The following YAE1 variants were observed in gnomAD, a reference collection of about 807,000 sequenced individuals.
YAE1 encodes protein YAE1 homolog.
Under a neutral mutation model 23.0 loss-of-function variants are expected in YAE1, and 22 were observed. The ratio of observed to expected loss-of-function variants is 0.96; its 90% confidence interval spans 0.68 to 1.37. YAE1 has a LOEUF of 1.37. YAE1 is among the 40% of genes most tolerant of loss of function. The probability of loss-of-function intolerance (pLI) is 0.00; values close to 1 mark genes in which losing one functional copy is unlikely to be tolerated. For synonymous variants in YAE1, 101 were observed against 97.0 expected (o/e 1.04, Z -0.24); for missense variants, 260 against 262.1 (o/e 0.99, Z 0.06).
At chr7:39,598,412 G>GTT (rs3038990) in intron 2 of YAE1, among the ~76,000 whole-genome samples, 14,209 of 140,842 alleles carry the variant, frequency 0.1, 2,347 homozygotes, top group African/African-American at 0.35. Flanking sequence ...CCTGGGCCAA[G>GTT]TTTTTTTTTT....
At chr7:39,575,575 A>AGAGAGAGAGTGAGT (rs1339594299), downstream of YAE1, among the ~76,000 whole-genome samples, 70 of 81,744 alleles carry the variant, frequency 8.6e-4, no homozygotes, top group African/African-American at 5.1e-3. Flanking sequence ...AGAGAGAGAG[A>AGAGAGAGAGTGAGT]GAGTGAGTGT....
At chr7:39,576,494 C>A (rs1790658561), downstream of YAE1, among the ~76,000 whole-genome samples, 2 of 152,214 alleles carry the variant, frequency 1.3e-5, no homozygotes, top group South Asian at 4.1e-4. Context: ...TCTTTACAGG[C>A]ATTACTACAA....
intron 2 of YAE1, among the ~76,000 whole-genome samples, chr7:39,585,390 C>G (rs185464272): frequency 1.3e-5 from 2 of 152,084 alleles, no homozygotes; most frequent in East Asian, 3.9e-4. Context: ...TTTGGACACA[C>G]AAAGAAATAC....
At chr7:39,570,238 A>G in intron 1 of YAE1, 5 of 631,822 alleles carry the variant, frequency 7.9e-6, no homozygotes, top group Non-Finnish European at 1.3e-5. Context: ...GTGGCGGCCC[A>G]ACACTAGGTT....
chr7:39,570,532 T>C lies in YAE1; in HGVS notation c.156T>C (p.Ala52=). The C allele has an allele frequency of 6.2e-7, 1 of 1,612,108 alleles. No individual in the cohort carries two copies. The highest frequency in any genetic ancestry group is 8.5e-7 in the Non-Finnish European group (1 of 1,179,670). The change falls in exon 2 of 3, where the codon GCT becomes GCC. Residue 52 remains alanine (A), a synonymous_variant. Transcript: ENST00000223273. ...AAGGTTATAGAGATGGAATAGATGC[T>C]GGCAAAGCAGTTACTCTTCAACAGG... The part of the protein sequence containing the change: ...VKEGYRDGID[A]GKAVTLQQGF...
At chr7:39,606,039 G>A (rs1791125464) in intron 2 of YAE1, among the ~76,000 whole-genome samples, 1 of 151,204 alleles carries the variant, frequency 6.6e-6, no homozygotes, top group African/African-American at 2.4e-5. Context: ...AAGAATCATG[G>A]TAAACAATTT....
At chr7:39,570,417 C>G in intron 1 of YAE1, 89 bp from the exon 2 acceptor site, 3 of 1,504,536 alleles carry the variant, frequency 2.0e-6, no homozygotes, top group Non-Finnish European at 2.7e-6. Flanking sequence ...CCTAATTCAT[C>G]TGCTTTCTAA....
chr7:39,585,920 T>C (rs1178618229), intron 2 of YAE1, among the ~76,000 whole-genome samples: 1 of 152,086 alleles, frequency 6.6e-6, no homozygotes, highest in African/African-American at 2.4e-5. Context: ...CCGGGCAAGA[T>C]GGCAAAACCT....
intron 2 of YAE1, among the ~76,000 whole-genome samples, chr7:39,593,040 GA>G (rs534675417): frequency 2.9e-4 from 44 of 151,592 alleles, no homozygotes; most frequent in Admixed American, 1.8e-3. Context: ...TTTCAGATTG[GA>G]TAATTTCTAT....
chr7:39,566,505 G>A lies in YAE1; in HGVS notation c.87G>A (p.Leu29=). The A allele has an allele frequency of 6.2e-7, 1 of 1,614,200 alleles. No individual in the cohort carries two copies. The highest frequency in any genetic ancestry group is 8.5e-7 in the Non-Finnish European group (1 of 1,180,022). The change falls in exon 1 of 3, where the codon CTG becomes CTA. Residue 29 remains leucine (L), a synonymous_variant. Coordinates refer to ENST00000223273, the MANE Select transcript of YAE1 (RefSeq NM_020192.5). ...ACGAAGAAGCAGACGAGTCGCTCCT[G>A]GCGCAGCGGGAATGGCAGAGTAACA... ...VFDEEADESL[L]AQREWQSNMQ... is the part of the protein sequence containing the mutation.
At chr7:39,599,756 T>A (rs1791029137) in intron 2 of YAE1, among the ~76,000 whole-genome samples, 2 of 151,920 alleles carry the variant, frequency 1.3e-5, no homozygotes, top group African/African-American at 4.8e-5. Flanking sequence ...ATTTTTGGGA[T>A]GGAGTCTCCC....
Position 39,570,857 on chromosome 7 carries a change from G to T in YAE1, c.251+230G>T, listed in dbSNP as rs374505566. 5.9e-5 allele frequency: 27 copies of T among 457,356 alleles called. No individual in the cohort carries two copies. In the South Asian group the frequency reaches 1.1e-3, roughly 18 times the overall value. The allele number at this position is 457,356 out of a possible 1,614,324, so 28.3% of individuals were successfully genotyped here. On this transcript the variant is annotated intron_variant, in intron 2 of 2. Coordinates refer to ENST00000223273, the MANE Select transcript of YAE1 (RefSeq NM_020192.5). ...TTTTCGTGCAAAGAAATGGTAAGAAGATGTATACTTCTGCTACCTGAACAA... is the reference window on the plus strand; with the variant it reads ...TTTTCGTGCAAAGAAATGGTAAGAATATGTATACTTCTGCTACCTGAACAA...
intron 2 of YAE1, among the ~76,000 whole-genome samples, chr7:39,591,626 C>A (rs1037617110): frequency 6.6e-6 from 1 of 151,328 alleles, no homozygotes; most frequent in Non-Finnish European, 1.5e-5. Flanking sequence ...CCATTATCAA[C>A]GTCCACCACC....
Position 39,602,452 on chromosome 7 carries a change from T to C in YAE1, c.252-7165T>C, listed in dbSNP as rs958516028. Among the ~76,000 whole-genome samples, 5 of 152,250 alleles carry C rather than the reference T, an allele frequency of 3.3e-5. 1 individual carries two copies. The East Asian group carries it at 9.6e-4, about 29-fold the overall frequency. ...CTCATAATGAAATGATGGATTTCCG[T>C]GTTGTAGAACTCTTTAGCATCAGAA... On this transcript the variant is annotated intron_variant, in intron 2 of 2. Transcript: ENST00000432096.
chr7:39,601,165 A>G (rs1791050212), intron 2 of YAE1, among the ~76,000 whole-genome samples: 1 of 152,218 alleles, frequency 6.6e-6, no homozygotes. Flanking sequence ...GCACAATTCT[A>G]AAAAGATATC....
chr7:39,594,835 A>T (rs1447394124), intron 2 of YAE1, among the ~76,000 whole-genome samples: 1 of 152,100 alleles, frequency 6.6e-6, no homozygotes, highest in Non-Finnish European at 1.5e-5. Context: ...AGCTCAAGCA[A>T]TCCACCTGCC....
chr7:39,575,627 T>C (rs1451255666), downstream of YAE1, among the ~76,000 whole-genome samples: 2 of 151,834 alleles, frequency 1.3e-5, no homozygotes, highest in African/African-American at 4.8e-5. Flanking sequence ...AGGCTTCTTG[T>C]TCTACAGAAA....
chr7:39,566,506 G>A lies in YAE1; in HGVS notation c.88G>A (p.Ala30Thr), dbSNP rs1192964515. The change falls in exon 1 of 3, where the codon GCG becomes ACG. Residue 30 changes from alanine (A) to threonine (T), a missense_variant. Ala to Thr is a moderately conservative substitution (Grantham distance 58). Coordinates refer to ENST00000223273, the MANE Select transcript of YAE1 (RefSeq NM_020192.5). Reference sequence around the variant, plus strand: ...CGAAGAAGCAGACGAGTCGCTCCTGGCGCAGCGGGAATGGCAGAGTAACAT... The same window carrying A: ...CGAAGAAGCAGACGAGTCGCTCCTGACGCAGCGGGAATGGCAGAGTAACAT... ...FDEEADESLL[A>T]QREWQSNMQR... 1.1e-5 allele frequency: 17 copies of A among 1,614,184 alleles called. No individual in the cohort carries two copies. The highest frequency in any genetic ancestry group is 1.4e-5 in the Non-Finnish European group (16 of 1,180,024).
intron 2 of YAE1, among the ~76,000 whole-genome samples, chr7:39,596,813 G>A (rs927140492): frequency 1.3e-5 from 2 of 152,112 alleles, no homozygotes; most frequent in Non-Finnish European, 2.9e-5. Flanking sequence ...GAATAAAATA[G>A]ATACTCAACA....
Sources: gnomAD v4.1 joint callset for allele counts (sites outside exome capture counted in the v4.1 genomes callset) on GRCh38, gnomAD v4.1.1 for gene constraint, MANE v1.5 for transcripts, NCBI Gene and HGNC (gene_info 2026-07-23, HGNC 2026-07-21) for gene names.